The following TNR variants were observed in gnomAD, a reference collection of about 807,000 sequenced individuals.
TNR encodes tenascin R.
Under a neutral mutation model 150.4 loss-of-function variants are expected in TNR, and 45 were observed. That is an observed-to-expected ratio of 0.30 (90% CI 0.24 to 0.38). TNR has a LOEUF of 0.38. Among genes scored for constraint, TNR ranks in the 10% least tolerant of loss-of-function variants. TNR has a pLI of 1.00. For synonymous variants in TNR, 687 were observed against 678.4 expected (o/e 1.01, Z -0.20); for missense variants, 1,544 against 1,759.1 (o/e 0.88, Z 2.19).
chr1:175,391,429 C>T lies in TNR; in HGVS notation c.1366G>A (p.Gly456Arg). 6.2e-7 allele frequency: 1 copy of T among 1,614,040 alleles called. No individual in the cohort carries two copies. Among genetic ancestry groups the T allele is most frequent in the Non-Finnish European group, 8.5e-7 (1 of 1,179,974 alleles). The change falls in exon 7 of 23, where the codon GGG becomes AGG. Residue 456 changes from glycine to arginine, a missense_variant. Physicochemically the swap from Gly to Arg is moderately radical, Grantham distance 125. Around this residue, in one of 2 missense-constraint regions of TNR, gnomAD observed 1,254 missense variants for 1,329.4 expected, o/e 0.94. Transcript: ENST00000367674. Reference protein sequence around the residue: ...EISFIPKNNEGGVIAQVPSDV... With the variant: ...EISFIPKNNERGVIAQVPSDV... Reference sequence around the variant, plus strand: ...CTGGGGACCTGAGCAATCACTCCCCCTTCATTGTTCTGGACAGTGGGGAGA... The same window carrying T: ...CTGGGGACCTGAGCAATCACTCCCCTTTCATTGTTCTGGACAGTGGGGAGA...
At chr1:175,480,447 A>AAGAAAGAAAGAAAGAAAG in intron 2 of TNR, among the ~76,000 whole-genome samples, 11 of 149,362 alleles carry the variant, frequency 7.4e-5, no homozygotes, top group African/African-American at 2.5e-4. Flanking sequence ...AAGAAAGAGA[A>AAGAAAGAAAGAAAGAAAG]AGAAAGAAAG....
rs1657934729 is a variant in TNR at position 175,484,627 on chromosome 1, C to G, written c.-64+43642G>C. 2.0e-5 allele frequency among the ~76,000 whole-genome samples: 3 copies of G among 152,086 alleles called. No individual in the cohort carries two copies. The South Asian group carries it at 6.2e-4, about 32-fold the overall frequency. On this transcript the variant is annotated intron_variant, in intron 2 of 22. Coordinates refer to ENST00000367674, the MANE Select transcript of TNR (RefSeq NM_003285.3). ...TTGTTCTCATGAAATTTCTACTAAC[C>G]TAATTTCATGTTTGGCTTTTTGCTC...
rs189999814 is a variant in TNR at position 175,550,550 on chromosome 1, C to A, written c.-164-22181G>T. ...CACCCCCTTGGGAAGGAGACTGGAA[C>A]AATGTCTCTGTAGAAATGAAGCTGA... On this transcript the variant is annotated intron_variant, in intron 1 of 22. Coordinates refer to ENST00000367674, the MANE Select transcript of TNR (RefSeq NM_003285.3). 8.6e-4 allele frequency among the ~76,000 whole-genome samples: 129 copies of A among 149,906 alleles called. No homozygotes were observed. The East Asian group carries it at 0.019, about 22-fold the overall frequency.
chr1:175,557,613 C>T (rs1661222752), intron 1 of TNR, among the ~76,000 whole-genome samples: 1 of 151,592 alleles, frequency 6.6e-6, no homozygotes, highest in Non-Finnish European at 1.5e-5. Flanking sequence ...ATTAAAAAGT[C>T]AGGAAACAAC....
At chr1:175,378,696 G>T (rs938235533) in intron 9 of TNR, among the ~76,000 whole-genome samples, 1 of 152,202 alleles carries the variant, frequency 6.6e-6, no homozygotes, top group Non-Finnish European at 1.5e-5. Context: ...GAAATGGAAA[G>T]AAGCAGACTT....
chr1:175,570,456 C>A (rs547954318), intron 1 of TNR, among the ~76,000 whole-genome samples: 2 of 152,126 alleles, frequency 1.3e-5, no homozygotes, highest in Non-Finnish European at 2.9e-5. Context: ...GCAGGGTAGA[C>A]ATGAATGATA....
At chr1:175,327,465 C>T (rs1395676604) in intron 21 of TNR, among the ~76,000 whole-genome samples, 1 of 152,190 alleles carries the variant, frequency 6.6e-6, no homozygotes, top group Non-Finnish European at 1.5e-5. Flanking sequence ...TTACTTTATC[C>T]TGTTTGTGGC....
chr1:175,724,794 C>T (rs1402030871), intron 1 of TNR, among the ~76,000 whole-genome samples: 4 of 151,928 alleles, frequency 2.6e-5, no homozygotes, highest in Non-Finnish European at 5.9e-5. Flanking sequence ...GGGATGGCTT[C>T]CTGAAGGAAG....
At chr1:175,731,759 C>A (rs1667647102) in intron 1 of TNR, among the ~76,000 whole-genome samples, 1 of 152,152 alleles carries the variant, frequency 6.6e-6, no homozygotes, top group Non-Finnish European at 1.5e-5. Context: ...AGCTCTGAAT[C>A]ACCTTACCCA....
Position 175,365,378 on chromosome 1 carries a change from A to G in TNR, c.2318-99T>C. 2.2e-6 allele frequency: 3 copies of G among 1,363,310 alleles called. 1 individual carries two copies. Among genetic ancestry groups the G allele is most frequent in the Non-Finnish European group, 3.0e-6 (3 of 1,014,366 alleles). The allele number at this position is 1,363,310 out of a possible 1,614,324, so 84.5% of individuals were successfully genotyped here. On this transcript the variant is annotated intron_variant, in intron 11 of 22. Coordinates refer to ENST00000367674, the MANE Select transcript of TNR (RefSeq NM_003285.3). ...CTAAAGGGACCTGCTCTCCTTGCTA[A>G]TAAGGGCCACACCTTCACCCACTAA...
intron 1 of TNR, among the ~76,000 whole-genome samples, chr1:175,581,679 T>C (rs532591736): frequency 1.1e-4 from 17 of 152,198 alleles, no homozygotes; most frequent in Non-Finnish European, 2.5e-4. Context: ...CATTTTTTTC[T>C]TACCTTTTGA....
At chr1:175,543,068 C>A (rs1021188168) in intron 1 of TNR, among the ~76,000 whole-genome samples, 1 of 152,124 alleles carries the variant, frequency 6.6e-6, no homozygotes, top group African/African-American at 2.4e-5. Context: ...TTATAAATAA[C>A]GTTTGAACAC....
Position 175,457,040 on chromosome 1 carries a change from C to T in TNR, c.-63-50263G>A, listed in dbSNP as rs147554563. ...AGCTCTCCTCTAAAGTCTGCAGATT[C>T]GGGTAGATAAATTGTCAGCAGTCCT... On this transcript the variant is annotated intron_variant, in intron 2 of 22. Transcript: ENST00000367674. Among the ~76,000 whole-genome samples, 8 of 152,252 alleles carry T rather than the reference C, an allele frequency of 5.3e-5. No individual in the cohort carries two copies. In the East Asian group the frequency reaches 9.6e-4, roughly 18 times the overall value.
chr1:175,457,672 A>G (rs1656626444), intron 2 of TNR, among the ~76,000 whole-genome samples: 1 of 152,252 alleles, frequency 6.6e-6, no homozygotes, highest in Non-Finnish European at 1.5e-5. Context: ...AAGAGCTACT[A>G]TTGACATTGC....
intron 1 of TNR, among the ~76,000 whole-genome samples, chr1:175,741,285 G>C (rs1230418826): frequency 1.3e-5 from 2 of 152,144 alleles, no homozygotes; most frequent in African/African-American, 4.8e-5. Flanking sequence ...AAGCGTCTGT[G>C]TCTCTCCATT....
intron 1 of TNR, among the ~76,000 whole-genome samples, chr1:175,551,008 G>A (rs1660916613): frequency 6.6e-6 from 1 of 152,244 alleles, no homozygotes; most frequent in South Asian, 2.1e-4. Flanking sequence ...AGAAAATTAG[G>A]TGATCCATCC....
intron 2 of TNR, among the ~76,000 whole-genome samples, chr1:175,454,722 T>C (rs1305588822): frequency 6.6e-6 from 1 of 152,190 alleles, no homozygotes; most frequent in Non-Finnish European, 1.5e-5. Context: ...TCCACCCGCC[T>C]CGGCCTCCCA....
At chr1:175,671,951 T>TGTGTGTGTGTGTGTG (rs1571736842) in intron 1 of TNR, among the ~76,000 whole-genome samples, 4 of 106,412 alleles carry the variant, frequency 3.8e-5, no homozygotes, top group East Asian at 3.0e-4. Context: ...GTGTGTGTGT[T>TGTGTGTGTGTGTGTG]GGAGAGGGGG....
chr1:175,698,697 C>T (rs1021778346), intron 1 of TNR, among the ~76,000 whole-genome samples: 2 of 151,926 alleles, frequency 1.3e-5, no homozygotes, highest in East Asian at 3.9e-4. Context: ...AAAAATTAGC[C>T]GGGCATGGTG....
Sources: allele counts gnomAD v4.1 joint callset (sites outside exome capture counted in the v4.1 genomes callset), GRCh38; gene constraint gnomAD v4.1.1; regional missense constraint gnomAD v4.1.1; transcripts MANE v1.5; gene names NCBI Gene and HGNC (gene_info 2026-07-23, HGNC 2026-07-21).